The following PIAS2 variants were observed in gnomAD, a reference collection of about 807,000 sequenced individuals.
PIAS2 encodes the protein protein inhibitor of activated STAT 2, also known as E3 SUMO-protein ligase PIAS2.
In PIAS2, 19 loss-of-function variants were observed where a neutral mutation model predicts 69.7. The ratio of observed to expected loss-of-function variants is 0.27; its 90% confidence interval spans 0.19 to 0.40. The LOEUF is 0.40. Among genes scored for constraint, PIAS2 ranks in the 10% least tolerant of loss-of-function variants. The probability of loss-of-function intolerance (pLI) is 1.00; values close to 1 mark genes in which losing one functional copy is unlikely to be tolerated. For synonymous variants in PIAS2, 261 were observed against 263.2 expected (o/e 0.99, Z 0.08); for missense variants, 624 against 757.0 (o/e 0.82, Z 2.06).
chr18:46,828,469 A>C (rs2043131653), intron 10 of PIAS2, among the ~76,000 whole-genome samples: 1 of 152,192 alleles, frequency 6.6e-6, no homozygotes, highest in African/African-American at 2.4e-5. Context: ...GTTTTACAGA[A>C]AGACACGCAG....
intron 1 of PIAS2, chr18:46,915,154 T>TA (rs1440317677): frequency 6.6e-6 from 1 of 152,164 alleles, no homozygotes; most frequent in Non-Finnish European, 1.5e-5. Context: ...TTAAAAATCT[T>TA]AGCTTTTCAA....
rs2040844744 is a variant in PIAS2 at position 46,808,977 on chromosome 18, T to C, written c.*3456A>G. On this transcript the variant is annotated 3_prime_UTR_variant, in exon 14 of 14. Transcript: ENST00000585916. ...TTTATTGGCAGAAAAAAAAGACAAC[T>C]TGGCTGGAAATGCTGAGTGTCTTGG... 6.6e-6 allele frequency: 1 copy of C among 152,114 alleles called. No individual in the cohort carries two copies. The highest frequency in any genetic ancestry group is 2.1e-4 in the South Asian group (1 of 4,822). 9.4% of individuals were successfully genotyped at this position (152,114 alleles called of 1,614,324 possible).
At chr18:46,912,595 G>C (rs920902087) in intron 1 of PIAS2, among the ~76,000 whole-genome samples, 1 of 152,064 alleles carries the variant, frequency 6.6e-6, no homozygotes, top group Non-Finnish European at 1.5e-5. Context: ...GCAAAATTAG[G>C]AACCAAAATG....
rs2041032217 is a variant in PIAS2, at chr18:46,812,002, C to A, written c.*431G>T. 1 of 153,178 alleles carries A rather than the reference C, an allele frequency of 6.5e-6. No individual in the cohort carries two copies. Among genetic ancestry groups the A allele is most frequent in the African/African-American group, 2.4e-5 (1 of 41,396 alleles). The allele number at this position is 153,178 out of a possible 1,614,324, so 9.5% of individuals were successfully genotyped here. The stretch of plus-strand genomic sequence containing the variant: ...TAAGTTCTTTCCATATATTTTTTTT[C>A]CTTCACGTAAGGTTAAACAGAAGTT... On this transcript the variant is annotated 3_prime_UTR_variant, in exon 14 of 14. Transcript: ENST00000585916.
chr18:46,818,722 T>G, intron 12 of PIAS2, among the ~76,000 whole-genome samples: 1 of 152,062 alleles, frequency 6.6e-6, no homozygotes, highest in Non-Finnish European at 1.5e-5. Context: ...AATTCATACA[T>G]GATGATAAAC....
In PIAS2 at chr18:46,820,951, T is replaced by C. The variant is rs756928313; in HGVS notation, c.1630A>G (p.Met544Val). 1.7e-5 allele frequency: 27 copies of C among 1,612,014 alleles called. No individual in the cohort carries two copies. The highest frequency in any genetic ancestry group is 2.7e-5 in the African/African-American group (2 of 74,894). The stretch of plus-strand genomic sequence containing the variant: ...CACATACCTGGCAAATCTGATGACA[T>C]GCTTGATATTGGCGTATGGTGGAAT... Reference protein sequence around the residue: ...VPFHHTPISSMSSDLPGLDFL... With the variant: ...VPFHHTPISSVSSDLPGLDFL... The change falls in exon 12 of 14, where the codon ATG (methionine) becomes GTG (valine). Residue 544 changes from methionine (M) to valine (V), a missense_variant. By Grantham distance (21) the Met-to-Val change is conservative (BLOSUM62 1). Coordinates refer to ENST00000585916, the MANE Select transcript of PIAS2 (RefSeq NM_004671.5).
chr18:46,830,930 A>G (rs1439628450), intron 9 of PIAS2, among the ~76,000 whole-genome samples: 1 of 152,196 alleles, frequency 6.6e-6, no homozygotes, highest in African/African-American at 2.4e-5. Flanking sequence ...AACTCTGCAA[A>G]ACAAATCCAA....
chr18:46,807,607 G>C lies in PIAS2; in HGVS notation c.*4826C>G, dbSNP rs865910656. 27 of 151,632 alleles carry C rather than the reference G, an allele frequency of 1.8e-4. No individual in the cohort carries two copies. Among genetic ancestry groups the C allele is most frequent in the African/African-American group, 6.6e-4 (27 of 41,154 alleles). The allele number at this position is 151,632 out of a possible 1,614,324, so 9.4% of individuals were successfully genotyped here. ...GTTTCACCATGTTCCATGTTAGCCA[G>C]GCTGGTCTCCAACTCCTGACTTCAG... is the stretch of plus-strand genomic sequence containing the variant. On this transcript the variant is annotated 3_prime_UTR_variant, in exon 14 of 14. Coordinates refer to ENST00000585916, the MANE Select transcript of PIAS2 (RefSeq NM_004671.5).
chr18:46,885,444 T>G (rs2053005457), intron 2 of PIAS2, among the ~76,000 whole-genome samples: 1 of 151,844 alleles, frequency 6.6e-6, no homozygotes, highest in Non-Finnish European at 1.5e-5. Context: ...TTGCTTGAAC[T>G]TGGGAGGCGG....
chr18:46,867,615 T>C (rs971584151), intron 2 of PIAS2, among the ~76,000 whole-genome samples: 2 of 152,242 alleles, frequency 1.3e-5, no homozygotes, highest in Admixed American at 1.3e-4. Flanking sequence ...AAAAAGATCA[T>C]GGCTCAAGGG....
chr18:46,838,801 T>G (rs984809816), intron 8 of PIAS2, among the ~76,000 whole-genome samples: 2 of 152,182 alleles, frequency 1.3e-5, no homozygotes, highest in Non-Finnish European at 2.9e-5. Context: ...ACACACTCAC[T>G]GAGACACAGC....
At chr18:46,920,098 G>T (rs1015445429), upstream of PIAS2, 21 of 1,289,350 alleles carry the variant, frequency 1.6e-5, no homozygotes, top group Non-Finnish European at 2.1e-5. Flanking sequence ...CATTCATTCT[G>T]CCCCTTCCTC....
chr18:46,840,907 AAATT>A (rs1274911736), intron 8 of PIAS2, among the ~76,000 whole-genome samples: 5 of 152,090 alleles, frequency 3.3e-5, no homozygotes, highest in Admixed American at 3.3e-4. Context: ...CTACCAATCT[AAATT>A]AAGAGAGTTT....
At chr18:46,908,936 G>C (rs115333970) in intron 1 of PIAS2, among the ~76,000 whole-genome samples, 3 of 152,120 alleles carry the variant, frequency 2.0e-5, no homozygotes, top group Non-Finnish European at 2.9e-5. Flanking sequence ...TTGAACCTTG[G>C]GGGTGGAGGG....
rs796538789 is a variant in PIAS2, at chr18:46,864,306, C to T, written c.500-58G>A. 7.1e-6 allele frequency: 8 copies of T among 1,132,984 alleles called. No individual in the cohort carries two copies. In the African/African-American group the frequency reaches 1.1e-4, roughly 16 times the overall value. The allele number at this position is 1,132,984 out of a possible 1,614,324, so 70.2% of individuals were successfully genotyped here. On this transcript the variant is annotated intron_variant, in intron 2 of 13. Coordinates refer to ENST00000585916, the MANE Select transcript of PIAS2 (RefSeq NM_004671.5). ...TCAATAACAAATCCAACACTACAAC[C>T]ACCTGCAATAACCAGGCATTTTTTA...
At chr18:46,818,658 T>A (rs1029090914) in intron 12 of PIAS2, among the ~76,000 whole-genome samples, 3 of 151,918 alleles carry the variant, frequency 2.0e-5, no homozygotes, top group African/African-American at 7.2e-5. Context: ...AAAGAGCACA[T>A]TAACAATAAA....
Position 46,902,650 on chromosome 18 carries a change from C to G in PIAS2, c.25-11596G>C, listed in dbSNP as rs1317001463. On this transcript the variant is annotated intron_variant, in intron 1 of 13. Transcript: ENST00000585916. Reference sequence around the variant, plus strand: ...GTAAAGATGTCAACTTTCCCCAAACCGATATATAGGTTTAACATAATTCCT... The same window carrying G: ...GTAAAGATGTCAACTTTCCCCAAACGGATATATAGGTTTAACATAATTCCT... Among the ~76,000 whole-genome samples the G allele has an allele frequency of 4.6e-5, 7 of 152,162 alleles. No homozygotes were observed. The East Asian group carries it at 1.3e-3, about 29-fold the overall frequency.
At chr18:46,910,940 T>C (rs1358890642) in intron 1 of PIAS2, among the ~76,000 whole-genome samples, 1 of 152,318 alleles carries the variant, frequency 6.6e-6, no homozygotes, top group East Asian at 1.9e-4. Context: ...TATTGAAGGC[T>C]GTATTCCTGT....
intron 1 of PIAS2, among the ~76,000 whole-genome samples, chr18:46,915,926 A>G (rs1021094176): frequency 6.6e-6 from 1 of 152,220 alleles, no homozygotes; most frequent in Admixed American, 6.5e-5. Context: ...ATGAATTTAC[A>G]GAGGTGAGGT....
Sources: gnomAD v4.1 joint callset for allele counts (sites outside exome capture counted in the v4.1 genomes callset) on GRCh38, gnomAD v4.1.1 for gene constraint, MANE v1.5 for transcripts, NCBI Gene and HGNC (gene_info 2026-07-23, HGNC 2026-07-21) for gene names.